The following MIA2 variants were observed in gnomAD, a reference collection of about 807,000 sequenced individuals.
MIA2 encodes the protein melanoma inhibitory activity protein 2.
A neutral mutation model predicts 167.8 loss-of-function variants in MIA2; 127 were observed. The ratio of observed to expected loss-of-function variants is 0.76; its 90% CI spans 0.66 to 0.88. The LOEUF is 0.88. MIA2 is among the 40% of genes least tolerant of loss of function. MIA2 has a pLI of 0.00. For synonymous variants in MIA2, 552 were observed against 541.9 expected, an observed-to-expected ratio of 1.02 and a Z score of -0.26; for missense variants, 1,690 against 1,624.7, an observed-to-expected ratio of 1.04 and a Z score of -0.69.
At chr14:39,268,106 G>T (rs1165287589) in intron 6 of MIA2, among the ~76,000 whole-genome samples, 1 of 151,070 alleles carries the variant, frequency 6.6e-6, no homozygotes, top group Admixed American at 6.6e-5. Flanking sequence ...TTCAAATTTT[G>T]TTTTTTATTT....
chr14:39,248,187 A>G (rs2054394433), intron 4 of MIA2, 46 bp downstream of exon 4: 1 of 1,246,120 alleles, frequency 8.0e-7, no homozygotes, highest in African/African-American at 1.6e-5. Flanking sequence ...ATTTTTAAAC[A>G]TAATTTATTT....
chr14:39,288,262 G>T (rs1273174726), intron 9 of MIA2, among the ~76,000 whole-genome samples: 1 of 151,104 alleles, frequency 6.6e-6, no homozygotes, highest in East Asian at 1.9e-4. Context: ...AGGAATTCAA[G>T]TCCAACCTGG....
intron 1 of MIA2, among the ~76,000 whole-genome samples, chr14:39,235,888 T>C (rs1428063103): frequency 6.6e-6 from 1 of 152,212 alleles, no homozygotes; most frequent in Admixed American, 6.5e-5. Context: ...CATTCAAATT[T>C]ATAGAAATTT....
chr14:39,256,362 A>G (rs988268274), intron 6 of MIA2, among the ~76,000 whole-genome samples: 1 of 152,152 alleles, frequency 6.6e-6, no homozygotes, highest in Non-Finnish European at 1.5e-5. Context: ...GCAATTTTCC[A>G]GTTACATTTA....
In MIA2 at chr14:39,375,566, G is replaced by A. The variant is rs543581261; in HGVS notation, c.2249-11319G>A. 4.9e-4 allele frequency among the ~76,000 whole-genome samples: 75 copies of A among 152,182 alleles called. 2 individuals carry two copies. In the South Asian group the frequency reaches 0.015, roughly 30 times the overall value. On this transcript the variant is annotated intron_variant, in intron 23 of 23. Coordinates refer to the MIA2 transcript ENST00000341502. ...CAAAAAATTAGTCAGACATCGTGGCGCATGTCTGTAATCCCAGCTACTCAG... is the reference window on the plus strand; with the variant it reads ...CAAAAAATTAGTCAGACATCGTGGCACATGTCTGTAATCCCAGCTACTCAG...
At chr14:39,352,680 G>A (rs539673479), downstream of MIA2, among the ~76,000 whole-genome samples, 11 of 152,004 alleles carry the variant, frequency 7.2e-5, no homozygotes, top group South Asian at 2.1e-4. Flanking sequence ...TTTAAATCAC[G>A]TCTAGTTTAC....
chr14:39,337,288 A>G (rs574091251), intron 25 of MIA2, among the ~76,000 whole-genome samples: 40 of 152,344 alleles, frequency 2.6e-4, no homozygotes, highest in African/African-American at 8.2e-4. Flanking sequence ...AGTATGGGAA[A>G]CAAAAACTGA....
Position 39,345,886 on chromosome 14 carries a change from T to A in MIA2, c.3656-18T>A, listed in dbSNP as rs1230980218. Reference sequence around the variant, plus strand: ...TATATTTACATTAATGAAGACATTTTAAAAACTTATTTTCTAGGACAATCA... The same window carrying A: ...TATATTTACATTAATGAAGACATTTAAAAAACTTATTTTCTAGGACAATCA... On this transcript the variant is annotated intron_variant, in intron 25 of 28. Transcript: ENST00000640607. 3.8e-6 allele frequency: 6 copies of A among 1,595,758 alleles called. No individual in the cohort carries two copies. Among genetic ancestry groups the A allele is most frequent in the Admixed American group, 1.8e-5 (1 of 56,810 alleles).
chr14:39,301,470 G>T (rs1639551637), intron 14 of MIA2, among the ~76,000 whole-genome samples: 2 of 152,176 alleles, frequency 1.3e-5, no homozygotes, highest in Non-Finnish European at 2.9e-5. Flanking sequence ...TCTGCTCAAA[G>T]GTATAGGCCA....
intron 4 of MIA2, among the ~76,000 whole-genome samples, chr14:39,252,075 GT>G (rs11286317): frequency 0.61 from 87,654 of 144,080 alleles, 26,383 homozygotes; most frequent in African/African-American, 0.78. Flanking sequence ...AAAAAGGCAC[GT>G]TAGAGAATAG....
rs934838117 is a variant in MIA2 at position 39,259,722 on chromosome 14, T to A, written c.1887+6551T>A. ...GGTTTTTTTTTTTTTTTTTTTTTTT[T>A]AAATACTTTAAGTTCTAGGGTACAT... On this transcript the variant is annotated intron_variant, in intron 6 of 28. Coordinates refer to ENST00000640607, the MANE Select transcript of MIA2 (RefSeq NM_001329214.4). Among the ~76,000 whole-genome samples the A allele has an allele frequency of 4.9e-4, 52 of 105,492 alleles. No individual in the cohort carries two copies. The East Asian group carries it at 7.5e-3, about 15-fold the overall frequency. The allele number at this position is 105,492 out of a possible 152,430, so 69.2% of individuals were successfully genotyped here. A position where few individuals can be genotyped will look rare whatever the true frequency, so the allele number is the denominator to read the frequency against.
At chr14:39,325,232 A>G (rs1165237165) in intron 24 of MIA2, among the ~76,000 whole-genome samples, 1 of 152,000 alleles carries the variant, frequency 6.6e-6, no homozygotes, top group Non-Finnish European at 1.5e-5. Flanking sequence ...TGTCTCAAAA[A>G]AAAAAATGTT....
At chr14:39,296,348 A>C (rs925451275) in intron 13 of MIA2, among the ~76,000 whole-genome samples, 19 of 151,902 alleles carry the variant, frequency 1.3e-4, no homozygotes, top group Admixed American at 1.1e-3. Context: ...AAATTTTGAC[A>C]CTGTCACTCC....
chr14:39,336,121 G>A (rs779972419), intron 25 of MIA2, among the ~76,000 whole-genome samples: 3 of 152,192 alleles, frequency 2.0e-5, no homozygotes, highest in Admixed American at 6.5e-5. Context: ...TATATACCCA[G>A]TAATGGGATT....
At chr14:39,246,082 T>TTTTATTTA (rs71130832) in intron 3 of MIA2, among the ~76,000 whole-genome samples, 31,623 of 143,144 alleles carry the variant, frequency 0.22, 3,895 homozygotes, top group African/African-American at 0.31. Flanking sequence ...TTTTAAAAAT[T>TTTTATTTA]TTTATTTATT....
chr14:39,291,729 T>C (rs77797014), intron 10 of MIA2, among the ~76,000 whole-genome samples: 1,832 of 152,286 alleles, frequency 0.012, 19 homozygotes, highest in Non-Finnish European at 0.019. Flanking sequence ...AAGATAATGC[T>C]TAAAGTAGGC....
intron 15 of MIA2, among the ~76,000 whole-genome samples, chr14:39,302,571 G>T (rs993393634): frequency 1.3e-5 from 2 of 152,024 alleles, no homozygotes; most frequent in Non-Finnish European, 2.9e-5. Flanking sequence ...TGTACTGTAA[G>T]CTAATCAAAT....
intron 13 of MIA2, among the ~76,000 whole-genome samples, chr14:39,297,123 C>T (rs2061541383): frequency 6.7e-6 from 1 of 149,908 alleles, no homozygotes; most frequent in Admixed American, 6.7e-5. Flanking sequence ...GTGACAGAGT[C>T]TCACTTTGTC....
intron 6 of MIA2, chr14:39,267,537 G>A: frequency 6.2e-7 from 1 of 1,612,938 alleles, no homozygotes; most frequent in Non-Finnish European, 8.5e-7. Flanking sequence ...GCCCAGGCGC[G>A]ATGAGTGTTA....
Sources: gnomAD v4.1 joint callset for allele counts (sites outside exome capture counted in the v4.1 genomes callset) on GRCh38, gnomAD v4.1.1 for gene constraint, MANE v1.5 for transcripts, NCBI Gene and HGNC (gene_info 2026-07-23, HGNC 2026-07-21) for gene names.